Variants in ATG10 observed in about 807,000 individuals in gnomAD.
The protein encoded by ATG10 is autophagy related 10.
Under a neutral mutation model 32.1 loss-of-function variants are expected in ATG10, and 30 were observed. That is an observed-to-expected ratio of 0.94 (90% CI 0.70 to 1.27). The LOEUF (loss-of-function observed/expected upper bound fraction) is 1.27. Ranked by LOEUF, ATG10 falls within the 50% of genes most tolerant of loss-of-function variation. The pLI is 0.00. For missense variants in ATG10, 233 were observed against 262.3 expected, an observed-to-expected ratio of 0.89 and a Z score of 0.77; for synonymous variants, 87 against 91.5, an observed-to-expected ratio of 0.95 and a Z score of 0.28.
At chr5:82,164,370 G>A (rs756967544) in intron 3 of ATG10, 29 bp from the exon 4 acceptor site, 37 of 1,608,976 alleles carry the variant, frequency 2.3e-5, no homozygotes, top group African/African-American at 1.3e-4. Context: ...TAAGAAACCC[G>A]TTTTCGTTTT....
intron 2 of ATG10, among the ~76,000 whole-genome samples, chr5:81,993,374 T>TTTC (rs776175236): frequency 0.015 from 583 of 39,586 alleles, 24 homozygotes; most frequent in African/African-American, 0.055. Flanking sequence ...TTTTCTTTTC[T>TTTC]TTTCTTTTCT....
intron 2 of ATG10, among the ~76,000 whole-genome samples, chr5:82,029,566 A>G (rs1007035109): frequency 1.3e-5 from 2 of 152,204 alleles, no homozygotes; most frequent in Non-Finnish European, 2.9e-5. Context: ...CTGGGAGAGT[A>G]TAACTTGTCT....
intron 2 of ATG10, among the ~76,000 whole-genome samples, chr5:82,029,269 G>T (rs1762678941): frequency 6.6e-6 from 1 of 152,148 alleles, no homozygotes; most frequent in South Asian, 2.1e-4. Flanking sequence ...TAGATTAGTG[G>T]TTGCCTAGAG....
Position 82,028,095 on chromosome 5 carries a change from C to T in ATG10, c.109-30400C>T, listed in dbSNP as rs564098268. Among the ~76,000 whole-genome samples the T allele has an allele frequency of 2.0e-5, 3 of 152,286 alleles. No homozygotes were observed. In the East Asian group the frequency reaches 5.8e-4, roughly 29 times the overall value. ...ACAAGGATAGAAGCCCTCATTTTAC[C>T]ACCTAGTGTGAAAATTGTTTGAGGC... On this transcript the variant is annotated intron_variant, in intron 2 of 7. Coordinates refer to ENST00000282185, the MANE Select transcript of ATG10 (RefSeq NM_031482.5).
At chr5:82,143,616 A>G (rs1767234339) in intron 3 of ATG10, among the ~76,000 whole-genome samples, 1 of 152,228 alleles carries the variant, frequency 6.6e-6, no homozygotes, top group African/African-American at 2.4e-5. Flanking sequence ...TGCAGACTGT[A>G]AAGATGAGAG....
intron 2 of ATG10, among the ~76,000 whole-genome samples, chr5:81,993,365 T>TCC (rs1761538686): frequency 6.1e-5 from 2 of 32,638 alleles, no homozygotes; most frequent in Non-Finnish European, 5.2e-5. Context: ...CTTTCCTTCT[T>TCC]TTCTTTTCTT....
chr5:82,242,496 G>T (rs1746843750), intron 5 of ATG10, among the ~76,000 whole-genome samples: 1 of 152,050 alleles, frequency 6.6e-6, no homozygotes, highest in African/African-American at 2.4e-5. Context: ...TGTTGAAAAG[G>T]CACTGATATT....
chr5:82,048,734 C>T (rs1329883223), intron 2 of ATG10, among the ~76,000 whole-genome samples: 9 of 152,094 alleles, frequency 5.9e-5, no homozygotes, highest in South Asian at 2.1e-4. Flanking sequence ...AAAAAGTGGG[C>T]GAAGGACATG....
chr5:82,165,210 T>C (rs924615754), intron 4 of ATG10, among the ~76,000 whole-genome samples: 5 of 152,188 alleles, frequency 3.3e-5, no homozygotes, highest in African/African-American at 7.2e-5. Flanking sequence ...CGGGTCAGCA[T>C]TGGGATGTGC....
chr5:82,190,773 CAAAAAAAAAAAAA>C (rs35513819), intron 5 of ATG10, among the ~76,000 whole-genome samples: 575 of 53,748 alleles, frequency 0.011, 10 homozygotes, highest in African/African-American at 0.037. Flanking sequence ...GACTCCATCT[CAAAAAAAAAAAAA>C]AAAAAAAAAA....
At chr5:82,100,000 G>GTTTTTTTTTTTTTTTTTT in intron 3 of ATG10, among the ~76,000 whole-genome samples, 1 of 58,940 alleles carries the variant, frequency 1.7e-5, no homozygotes. Context: ...CTTTTTCTGT[G>GTTTTTTTTTTTTTTTTTT]TTTTTTTTTT....
intron 3 of ATG10, among the ~76,000 whole-genome samples, chr5:82,137,137 C>T (rs766808549): frequency 6.6e-6 from 1 of 151,978 alleles, no homozygotes; most frequent in Non-Finnish European, 1.5e-5. Context: ...TTCTTAGGTT[C>T]CTTGCATTGA....
At chr5:82,165,095 C>T (rs1017769089) in intron 4 of ATG10, among the ~76,000 whole-genome samples, 17 of 152,334 alleles carry the variant, frequency 1.1e-4, no homozygotes, top group African/African-American at 4.1e-4. Flanking sequence ...AATACCCTGT[C>T]TCCTTGGAGG....
intron 5 of ATG10, among the ~76,000 whole-genome samples, chr5:82,200,540 A>ATCATAGC (rs1233115533): frequency 7.3e-6 from 1 of 137,930 alleles, no homozygotes; most frequent in Admixed American, 7.7e-5. Flanking sequence ...CAGTGGCACA[A>ATCATAGC]TCATAGCTTA....
intron 5 of ATG10, among the ~76,000 whole-genome samples, chr5:82,196,158 A>G (rs1014575444): frequency 6.6e-5 from 10 of 152,122 alleles, no homozygotes; most frequent in African/African-American, 2.4e-4. Flanking sequence ...GTATTTTTTC[A>G]TGTGCTTATC....
chr5:82,132,101 T>G (rs1357508273), intron 3 of ATG10, among the ~76,000 whole-genome samples: 1 of 152,040 alleles, frequency 6.6e-6, no homozygotes, highest in African/African-American at 2.4e-5. Context: ...ACCTCCAACA[T>G]TAGGGATTAT....
intron 2 of ATG10, among the ~76,000 whole-genome samples, chr5:81,993,369 T>TTTCTTTCTTTCTTTC (rs1554039351): frequency 2.6e-5 from 1 of 38,026 alleles, no homozygotes; most frequent in African/African-American, 1.3e-4. Context: ...CCTTCTTTTC[T>TTTCTTTCTTTCTTTC]TTTCTTTTCT....
intron 3 of ATG10, among the ~76,000 whole-genome samples, chr5:82,068,913 G>T (rs1764032374): frequency 1.3e-5 from 2 of 150,218 alleles, no homozygotes; most frequent in South Asian, 4.2e-4. Flanking sequence ...ACTCTTTTCT[G>T]CCCCTTTGAT....
At chr5:81,985,204 A>G (rs1761222825) in intron 1 of ATG10, among the ~76,000 whole-genome samples, 1 of 152,214 alleles carries the variant, frequency 6.6e-6, no homozygotes, top group Admixed American at 6.5e-5. Context: ...TTGGAGTTTT[A>G]AAAATATTAC....
Sources: allele counts gnomAD v4.1 joint callset (sites outside exome capture counted in the v4.1 genomes callset), GRCh38; gene constraint gnomAD v4.1.1; transcripts MANE v1.5; gene names NCBI Gene and HGNC (gene_info 2026-07-23, HGNC 2026-07-21).